Variants in STAM2 observed in about 807,000 individuals in gnomAD.
STAM2 encodes the protein signal transducing adapter molecule 2.
STAM2 carries 51 observed loss-of-function variants against 65.6 expected under a neutral mutation model. The ratio of observed to expected loss-of-function variants is 0.78; its 90% CI spans 0.62 to 0.98. The LOEUF is 0.98. Ranked by LOEUF, STAM2 falls within the 50% of genes least tolerant of loss-of-function variation. The probability of loss-of-function intolerance (pLI) is 0.00; values close to 1 mark genes in which losing one functional copy is unlikely to be tolerated. For missense variants in STAM2, 584 were observed against 617.8 expected, an observed-to-expected ratio of 0.95 and a Z score of 0.58; for synonymous variants, 198 against 208.4, an observed-to-expected ratio of 0.95 and a Z score of 0.43.
At chr2:152,120,900 T>G (rs1381058688) in intron 13 of STAM2, 98 bp from the exon 14 acceptor site, 5 of 866,962 alleles carry the variant, frequency 5.8e-6, no homozygotes, top group African/African-American at 1.7e-5. Flanking sequence ...CATCTTCTTT[T>G]TAAGCTTACG....
chr2:152,171,192 T>A (rs1689892776), intron 1 of STAM2, among the ~76,000 whole-genome samples: 1 of 152,306 alleles, frequency 6.6e-6, no homozygotes, highest in African/African-American at 2.4e-5. Context: ...CTGCTAAAAA[T>A]ACTAAAGTAT....
intron 7 of STAM2, among the ~76,000 whole-genome samples, chr2:152,141,252 T>C (rs993113454): frequency 1.1e-4 from 17 of 151,796 alleles, no homozygotes; most frequent in Non-Finnish European, 2.4e-4. Flanking sequence ...ATGTGCGCCT[T>C]TGGGCCGGCA....
chr2:152,152,041 C>T lies in STAM2; in HGVS notation c.41-1812G>A, dbSNP rs372359178. On this transcript the variant is annotated intron_variant, in intron 1 of 13. Transcript: ENST00000263904. ...TGCAGCCTTTATCTCCCGGGGCTCA[C>T]GTGATCCTCCCACCTCAGCTTCCCG... Among the ~76,000 whole-genome samples the T allele has an allele frequency of 1.3e-4, 20 of 152,040 alleles. No individual in the cohort carries two copies. In the Middle Eastern group the frequency reaches 0.014, roughly 103 times the overall value.
At chr2:152,141,273 C>T (rs948875331) in intron 7 of STAM2, among the ~76,000 whole-genome samples, 2 of 152,052 alleles carry the variant, frequency 1.3e-5, no homozygotes, top group East Asian at 2.0e-4. Flanking sequence ...CAGTGGCTCA[C>T]GCCTGTAATC....
At chr2:152,145,010 G>T in intron 5 of STAM2, 53 bp from the exon 6 acceptor site, 2 of 1,355,306 alleles carry the variant, frequency 1.5e-6, no homozygotes, top group Non-Finnish European at 1.1e-6. Flanking sequence ...CAAAACACAA[G>T]CTCCATAATT....
chr2:152,144,702 C>CTAATT lies in STAM2; in HGVS notation c.517+181_517+185dup, dbSNP rs1689307560. The CTAATT allele has an allele frequency of 1.3e-5, 6 of 461,598 alleles. No homozygotes were observed. The South Asian group carries it at 1.3e-4, about 10-fold the overall frequency. 28.6% of individuals were successfully genotyped at this position (461,598 alleles called of 1,614,324 possible). Reference sequence around the variant, plus strand: ...TACAGGCGCCCGCCACCACGCCCAGCTAATTTTTGTACTTTTAGTAGAGAT... The same window carrying CTAATT: ...TACAGGCGCCCGCCACCACGCCCAGCTAATTTAATTTTTGTACTTTTAGTAGAGAT... On this transcript the variant is annotated intron_variant, in intron 6 of 13. Coordinates refer to ENST00000263904, the MANE Select transcript of STAM2 (RefSeq NM_005843.6).
intron 1 of STAM2, among the ~76,000 whole-genome samples, chr2:152,171,999 T>C (rs1448425660): frequency 1.3e-5 from 2 of 152,190 alleles, no homozygotes; most frequent in Non-Finnish European, 2.9e-5. Context: ...CACTAACCAC[T>C]GTGGCCCCGT....
chr2:152,154,259 T>C (rs912213021), intron 1 of STAM2, among the ~76,000 whole-genome samples: 1 of 152,116 alleles, frequency 6.6e-6, no homozygotes, highest in Non-Finnish European at 1.5e-5. Context: ...GAAGGGCATA[T>C]GTAAGACCAG....
At chr2:152,133,366 T>G in intron 9 of STAM2, 36 bp downstream of exon 9, 1 of 1,556,142 alleles carries the variant, frequency 6.4e-7, no homozygotes. Context: ...TTAAATGTCT[T>G]GATAGTTTAA....
chr2:152,170,242 G>A (rs759958778), intron 1 of STAM2, among the ~76,000 whole-genome samples: 3 of 151,760 alleles, frequency 2.0e-5, no homozygotes, highest in Non-Finnish European at 2.9e-5. Context: ...AGCACTTTGG[G>A]AGGCCAAGAC....
rs761128484 is a variant in STAM2 at position 152,123,865 on chromosome 2, C to A, written c.1250G>T (p.Ser417Ile). The A allele has an allele frequency of 1.9e-6, 3 of 1,614,076 alleles. No individual in the cohort carries two copies. Among genetic ancestry groups the A allele is most frequent in the Non-Finnish European group, 2.5e-6 (3 of 1,179,988 alleles). ...QSIHQVTVAQ[S>I]YSLGPDQIGP... The stretch of plus-strand genomic sequence containing the variant: ...AATTTGATCGGGTCCTAGGCTATAG[C>A]TTTGGGCAACAGTTACTTGGTGAAT... The change falls in exon 13 of 14, where the codon AGC becomes ATC. Residue 417 changes from serine (S) to isoleucine (I), a missense_variant. Ser to Ile is a moderately radical substitution (Grantham distance 142). Transcript: ENST00000263904.
At chr2:152,152,311 A>G (rs1349790575) in intron 1 of STAM2, among the ~76,000 whole-genome samples, 2 of 151,908 alleles carry the variant, frequency 1.3e-5, no homozygotes, top group Admixed American at 6.6e-5. Context: ...GCACTTTGGG[A>G]GGCCGAGGTG....
Position 152,123,892 on chromosome 2 carries a change from C to G in STAM2, c.1223G>C (p.Ser408Thr), listed in dbSNP as rs1208064531. 1 of 1,614,082 alleles carries G rather than the reference C, an allele frequency of 6.2e-7. No homozygotes were observed. Among genetic ancestry groups the G allele is most frequent in the Admixed American group, 1.7e-5 (1 of 60,008 alleles). Residue 408 changes from serine to threonine, a missense_variant, in exon 13 of 14, where the codon AGC becomes ACC. Coordinates refer to ENST00000263904, the MANE Select transcript of STAM2 (RefSeq NM_005843.6). Reference protein sequence around the residue: ...QSHGGNYMGQSIHQVTVAQSY... With the variant: ...QSHGGNYMGQTIHQVTVAQSY... ...TTGGGCAACAGTTACTTGGTGAATG[C>G]TCTGACCCATATAGTTTCCACCATG...
In STAM2 at chr2:152,143,978, G is replaced by T. The variant is rs1689296077; in HGVS notation, c.553C>A (p.His185Asn). The T allele has an allele frequency of 5.0e-6, 8 of 1,612,896 alleles. No individual in the cohort carries two copies. The East Asian group carries it at 1.8e-4, about 36-fold the overall frequency. The change falls in exon 7 of 14, where the codon CAC becomes AAC. Residue 185 changes from histidine to asparagine, a missense_variant. By Grantham distance (68) the His-to-Asn change is moderately conservative. Coordinates refer to ENST00000263904, the MANE Select transcript of STAM2 (RefSeq NM_005843.6). The part of the protein sequence containing the change: ...ELSLQEQKQQ[H>N]TETKSLYPSS... ...GGATATAAGGATTTTGTTTCTGTGT[G>T]TTGCTGTTTCTGTTCTTGCAGCGAT...
chr2:152,158,998 G>T (rs1689606231), intron 1 of STAM2, among the ~76,000 whole-genome samples: 1 of 149,238 alleles, frequency 6.7e-6, no homozygotes, highest in African/African-American at 2.5e-5. Context: ...AAAAAAAATT[G>T]CCTTTTATCT....
At chr2:152,163,224 A>G (rs573834976) in intron 1 of STAM2, among the ~76,000 whole-genome samples, 19 of 152,348 alleles carry the variant, frequency 1.2e-4, no homozygotes, top group Non-Finnish European at 2.4e-4. Context: ...TAAATTGTGA[A>G]GATTTCATGG....
At position 152,120,201 on chromosome 2, in the gene STAM2, C is replaced by G. The variant is rs1200809390; in HGVS notation, c.*373G>C. On this transcript the variant is annotated 3_prime_UTR_variant, in exon 14 of 14. Transcript: ENST00000263904. ...GTATGAGATACTTTTGACAAACTCA[C>G]TCTGTCGATCATGCTACTGCACTCC... is the stretch of plus-strand genomic sequence containing the variant. The G allele has an allele frequency of 7.0e-6, 1 of 143,864 alleles. No individual in the cohort carries two copies. The highest frequency in any genetic ancestry group is 1.3e-5 in the Non-Finnish European group (1 of 75,844). 8.9% of individuals were successfully genotyped at this position (143,864 alleles called of 1,614,324 possible).
Position 152,150,049 on chromosome 2 carries a change from T to C in STAM2, c.125+96A>G, listed in dbSNP as rs146613961. 6.1e-4 allele frequency: 502 copies of C among 817,258 alleles called. 2 individuals are homozygous for C. The African/African-American group carries it at 7.1e-3, about 12-fold the overall frequency. The allele number at this position is 817,258 out of a possible 1,614,324, so 50.6% of individuals were successfully genotyped here. A position where few individuals can be genotyped will look rare whatever the true frequency, so the allele number is the denominator to read the frequency against. On this transcript the variant is annotated intron_variant, in intron 2 of 13. Coordinates refer to ENST00000263904, the MANE Select transcript of STAM2 (RefSeq NM_005843.6). ...ATCTGTGTTGTTCAAGGGTCAACTG[T>C]GATAAAGTCTCATTTTCCTCTCAAA...
intron 1 of STAM2, among the ~76,000 whole-genome samples, chr2:152,173,780 C>A (rs1326221431): frequency 6.6e-5 from 10 of 152,188 alleles, no homozygotes; most frequent in Admixed American, 6.5e-4. Flanking sequence ...GATATACGTG[C>A]AAGTCCAATT....
Sources: allele counts gnomAD v4.1 joint callset (sites outside exome capture counted in the v4.1 genomes callset), GRCh38; gene constraint gnomAD v4.1.1; transcripts MANE v1.5; gene names NCBI Gene and HGNC (gene_info 2026-07-23, HGNC 2026-07-21).